PTPN9: variants seen among roughly 807,000 people sequenced by gnomAD.
The protein encoded by PTPN9 is protein tyrosine phosphatase non-receptor type 9, also known as tyrosine-protein phosphatase non-receptor type 9.
In PTPN9, 26 loss-of-function variants were observed where a neutral mutation model predicts 69.8. That is an observed-to-expected ratio of 0.37 (90% CI 0.27 to 0.52). The LOEUF (loss-of-function observed/expected upper bound fraction) is 0.52, where lower values mean the gene tolerates loss of function less well. Ranked by LOEUF, PTPN9 falls within the 20% of genes least tolerant of loss-of-function variation. The probability of loss-of-function intolerance (pLI) is 0.91; values close to 1 mark genes in which losing one functional copy is unlikely to be tolerated. For missense variants in PTPN9, 549 were observed against 740.3 expected, an observed-to-expected ratio of 0.74 and a Z score of 3.00; for synonymous variants, 274 against 272.5, an observed-to-expected ratio of 1.01 and a Z score of -0.05.
intron 1 of PTPN9, among the ~76,000 whole-genome samples, chr15:75,555,667 G>A (rs1567520983): frequency 2.6e-5 from 4 of 151,932 alleles, no homozygotes; most frequent in Non-Finnish European, 5.9e-5. Context: ...ACCATGCCCA[G>A]ATAATTTATG....
Position 75,468,785 on chromosome 15 carries a change from G to A in PTPN9, c.1766C>T (p.Ala589Val). 3.7e-6 allele frequency: 6 copies of A among 1,613,928 alleles called. No individual in the cohort carries two copies. The highest frequency in any genetic ancestry group is 5.1e-6 in the Non-Finnish European group (6 of 1,179,958). ...GTAGGAGAGTTACTGACTCTCCACG[G>A]CCAGCAGGTTTTGGCCAGAGGATAC... ...GMVSSGQNLL[A>V]VESQ Residue 589 changes from alanine (A) to valine (V), a missense_variant, in exon 13 of 13, where the codon GCC becomes GTC. This residue lies in a region of PTPN9 where 30 missense variants were observed against 24.8 expected (regional missense o/e 1.21). Coordinates refer to ENST00000618819, the MANE Select transcript of PTPN9 (RefSeq NM_002833.4).
chr15:75,528,393 CTTTT>C (rs1170149540), intron 1 of PTPN9, among the ~76,000 whole-genome samples: 1 of 142,562 alleles, frequency 7.0e-6, no homozygotes, highest in Non-Finnish European at 1.5e-5. Context: ...TTTTTTTTTT[CTTTT>C]TTTGAGACAG....
chr15:75,526,804 A>G (rs904477624), intron 2 of PTPN9, among the ~76,000 whole-genome samples: 1 of 152,154 alleles, frequency 6.6e-6, no homozygotes, highest in Non-Finnish European at 1.5e-5. Flanking sequence ...GAGGCCAATG[A>G]AAAGAGCTAG....
In PTPN9 at chr15:75,470,817, C is replaced by T. The variant is rs761078819; in HGVS notation, c.1222G>A (p.Gly408Ser). 5.0e-6 allele frequency: 8 copies of T among 1,613,942 alleles called. No homozygotes were observed. Among genetic ancestry groups the T allele is most frequent in the African/African-American group, 1.3e-5 (1 of 74,916 alleles). ...CAGTACTGGCCACACTTTCTCCTGC[C>T]GCCTTCCTCAAAGCTGAAGACACAC... ...IVMTTRFEEG[G>S]RRKCGQYWPL... Residue 408 changes from glycine to serine, a missense_variant, in exon 11 of 13, where the codon GGC becomes AGC. Physicochemically the swap from Gly to Ser is moderately conservative, Grantham distance 56 (BLOSUM62 0). Around this residue, in one of 3 missense-constraint regions of PTPN9, gnomAD observed 457 missense variants for 661.9 expected, o/e 0.69. Transcript: ENST00000618819.
intron 1 of PTPN9, among the ~76,000 whole-genome samples, chr15:75,550,562 C>T (rs369459789): frequency 5.3e-5 from 8 of 151,302 alleles, no homozygotes; most frequent in Non-Finnish European, 8.8e-5. Flanking sequence ...CCGAGGTGGA[C>T]GGATCATTTG....
rs1166751284 is a variant in PTPN9 at position 75,466,073 on chromosome 15, A to T, written c.*2696T>A. 1 of 152,252 alleles carries T rather than the reference A, an allele frequency of 6.6e-6. No homozygotes were observed. Among genetic ancestry groups the T allele is most frequent in the Non-Finnish European group, 1.5e-5 (1 of 68,050 alleles). 9.4% of individuals were successfully genotyped at this position (152,252 alleles called of 1,614,324 possible). A position where few individuals can be genotyped will look rare whatever the true frequency, so the allele number is the denominator to read the frequency against. On this transcript the variant is annotated 3_prime_UTR_variant, in exon 13 of 13. Transcript: ENST00000618819. ...CGATAAAAATTTATTGGCAGATCAGAAGATGGATCCTTAGAGGAAGTCTAG... is the reference window on the plus strand; with the variant it reads ...CGATAAAAATTTATTGGCAGATCAGTAGATGGATCCTTAGAGGAAGTCTAG...
intron 7 of PTPN9, among the ~76,000 whole-genome samples, chr15:75,497,456 C>T (rs1350782461): frequency 2.0e-5 from 3 of 152,144 alleles, no homozygotes; most frequent in Non-Finnish European, 4.4e-5. Context: ...AGTGCCACTG[C>T]ACCTGCACTC....
At chr15:75,498,424 G>C (rs546514290) in intron 7 of PTPN9, among the ~76,000 whole-genome samples, 1 of 151,584 alleles carries the variant, frequency 6.6e-6, no homozygotes, top group Non-Finnish European at 1.5e-5. Context: ...GTTTACTATA[G>C]GGCAATGAGG....
chr15:75,574,287 CAAAA>C (rs1374351542), intron 1 of PTPN9, among the ~76,000 whole-genome samples: 2 of 58,506 alleles, frequency 3.4e-5, no homozygotes, highest in Admixed American at 2.0e-4. Context: ...CCTGTCTCCA[CAAAA>C]AAAAAAAAAA....
chr15:75,478,459 G>A (rs1174603148), intron 9 of PTPN9, among the ~76,000 whole-genome samples: 2 of 152,122 alleles, frequency 1.3e-5, no homozygotes, highest in Non-Finnish European at 2.9e-5. Context: ...AGGCTGGAGT[G>A]CAGTGGCACG....
chr15:75,577,781 T>C (rs1186574471), intron 1 of PTPN9, among the ~76,000 whole-genome samples: 1 of 152,172 alleles, frequency 6.6e-6, no homozygotes, highest in African/African-American at 2.4e-5. Flanking sequence ...ATTTTTTTTA[T>C]TTATAACATG....
At chr15:75,492,687 G>A (rs1425730948) in intron 7 of PTPN9, among the ~76,000 whole-genome samples, 1 of 152,150 alleles carries the variant, frequency 6.6e-6, no homozygotes, top group African/African-American at 2.4e-5. Context: ...ATTATAATCT[G>A]AAGCTCATCC....
At chr15:75,504,213 G>C (rs1385856114) in intron 7 of PTPN9, among the ~76,000 whole-genome samples, 1 of 122,928 alleles carries the variant, frequency 8.1e-6, no homozygotes, top group Non-Finnish European at 1.8e-5. Context: ...GAGGTCGGGG[G>C]GGTCAGCCCC....
chr15:75,473,617 T>C, intron 10 of PTPN9, 72 bp downstream of exon 10: 2 of 1,295,608 alleles, frequency 1.5e-6, no homozygotes, highest in Non-Finnish European at 1.1e-6. Context: ...AAAGCTAAAC[T>C]TCCCTCTTTA....
chr15:75,507,916 G>A (rs759685238), intron 6 of PTPN9, among the ~76,000 whole-genome samples: 7 of 151,444 alleles, frequency 4.6e-5, no homozygotes, highest in Non-Finnish European at 7.4e-5. Context: ...GGTAGCGTGC[G>A]CCTGTACTCC....
At position 75,530,845 on chromosome 15, in the gene PTPN9, T is replaced by A. The variant is rs1342319815; in HGVS notation, c.64-3584A>T. 6.9e-5 allele frequency among the ~76,000 whole-genome samples: 7 copies of A among 100,778 alleles called. No homozygotes were observed. The East Asian group carries it at 1.2e-3, about 17-fold the overall frequency. The allele number at this position is 100,778 out of a possible 152,430, so 66.1% of individuals were successfully genotyped here. ...TAATATAATATATATTATAATATAT[T>A]ATATATTATGATATATTATATATTA... On this transcript the variant is annotated intron_variant, in intron 1 of 12. Coordinates refer to ENST00000618819, the MANE Select transcript of PTPN9 (RefSeq NM_002833.4).
chr15:75,557,548 T>A (rs2141338529), intron 1 of PTPN9, among the ~76,000 whole-genome samples: 1 of 152,320 alleles, frequency 6.6e-6, no homozygotes, highest in East Asian at 1.9e-4. Context: ...CTGGGTAATA[T>A]GGTAGTTCTA....
chr15:75,537,364 A>C (rs1185224609), intron 1 of PTPN9, among the ~76,000 whole-genome samples: 2 of 146,314 alleles, frequency 1.4e-5, no homozygotes, highest in African/African-American at 2.6e-5. Context: ...AAAAAAAAAA[A>C]AAAAAAAACT....
At chr15:75,480,007 A>G in intron 8 of PTPN9, 93 bp from the exon 9 acceptor site, 1 of 825,408 alleles carries the variant, frequency 1.2e-6, no homozygotes, top group Non-Finnish European at 1.9e-6. Context: ...CCAAGGTGTG[A>G]ATATTCTCTT....
Sources: gnomAD v4.1 joint callset for allele counts (sites outside exome capture counted in the v4.1 genomes callset) on GRCh38, gnomAD v4.1.1 for gene constraint, gnomAD v4.1.1 regional missense constraint, MANE v1.5 for transcripts, NCBI Gene and HGNC (gene_info 2026-07-23, HGNC 2026-07-21) for gene names.